The following KCNQ1 variants were observed in gnomAD, a reference collection of about 807,000 sequenced individuals.
KCNQ1 encodes potassium voltage-gated channel subfamily KQT member 1.
A neutral mutation model predicts 72.4 loss-of-function variants in KCNQ1; 49 were observed. That is an observed-to-expected ratio of 0.68 (90% CI 0.54 to 0.86). The LOEUF is 0.86. Ranked by LOEUF, KCNQ1 falls within the 40% of genes least tolerant of loss-of-function variation. KCNQ1 has a pLI of 0.00. For synonymous variants in KCNQ1, 450 were observed against 412.6 expected (o/e 1.09, Z -1.10); for missense variants, 790 against 945.1 (o/e 0.84, Z 2.15).
chr11:2,681,987 T>A, intron 11 of KCNQ1: 1 of 398,630 alleles, frequency 2.5e-6, no homozygotes, highest in Non-Finnish European at 4.4e-6. Flanking sequence ...AATATAGACA[T>A]CATTTCACTA....
Position 2,776,072 on chromosome 11 carries a change from G to T in KCNQ1, c.1685+18G>T, listed in dbSNP as rs1192048960. On this transcript the variant is annotated intron_variant, in intron 13 of 15. Coordinates refer to ENST00000155840, the MANE Select transcript of KCNQ1 (RefSeq NM_000218.3). ...CAGAGGAGGTGGGCACGGCCAAACG[G>T]CAGCGGGGAGGGTGCCCAGGTCCTG... 4 of 1,544,582 alleles carry T rather than the reference G, an allele frequency of 2.6e-6. No individual in the cohort carries two copies. Among genetic ancestry groups the T allele is most frequent in the East Asian group, 4.9e-5 (2 of 41,172 alleles).
Position 2,566,751 on chromosome 11 carries a change from C to T in KCNQ1, c.478-3877C>T, listed in dbSNP as rs569116367. On this transcript the variant is annotated intron_variant, in intron 2 of 15. Transcript: ENST00000155840. This position sits in a 1 kb window ranked among gnomAD's most constrained non-coding sequence, Gnocchi z 6.7. ...CCATCAGCATCCCGGGCCATTGCAT[C>T]CTTGACCCCGGGGGGCTTGCAGGCA... Among the ~76,000 whole-genome samples, 1 of 152,280 alleles carries T rather than the reference C, an allele frequency of 6.6e-6. No homozygotes were observed. Among genetic ancestry groups the T allele is most frequent in the African/African-American group, 2.4e-5 (1 of 41,560 alleles).
At chr11:2,805,314 A>G (rs534969652) in intron 15 of KCNQ1, among the ~76,000 whole-genome samples, 4 of 152,334 alleles carry the variant, frequency 2.6e-5, no homozygotes, top group Non-Finnish European at 5.9e-5. Context: ...CAAAGCTGCT[A>G]CCAGACAGCA....
intron 10 of KCNQ1, chr11:2,609,152 G>A: frequency 2.5e-6 from 1 of 398,108 alleles, no homozygotes; most frequent in East Asian, 3.6e-5. Flanking sequence ...TTTTGATATA[G>A]GCATTCATAG....
chr11:2,463,719 C>T lies in KCNQ1; in HGVS notation c.386+18235C>T, dbSNP rs1486127528. ...GTGGGTGCCCAGGCCGAGATGTGAA[C>T]CCTGAGTTTGTGCAACTCGAGTTTC... On this transcript the variant is annotated intron_variant, in intron 1 of 15. Transcript: ENST00000155840. This position sits in a 1 kb window ranked among gnomAD's most constrained non-coding sequence, Gnocchi z 7.0. Among the ~76,000 whole-genome samples the T allele has an allele frequency of 6.6e-6, 1 of 152,208 alleles. No homozygotes were observed. Among genetic ancestry groups the T allele is most frequent in the African/African-American group, 2.4e-5 (1 of 41,444 alleles).
chr11:2,445,149 G>T lies in KCNQ1; in HGVS notation c.51G>T (p.Trp17Cys). The T allele has an allele frequency of 8.8e-7, 1 of 1,131,944 alleles. No individual in the cohort carries two copies. The highest frequency in any genetic ancestry group is 1.1e-6 in the Non-Finnish European group (1 of 920,676). The allele number at this position is 1,131,944 out of a possible 1,614,324, so 70.1% of individuals were successfully genotyped here. Residue 17 changes from tryptophan to cysteine, a missense_variant, in exon 1 of 16, where the codon TGG becomes TGT. This residue lies in a region of KCNQ1 where 294 missense variants were observed against 323.3 expected (regional missense o/e 0.91). Transcript: ENST00000155840. ...GGGCCGAGAGGAAGCGCTGGGGTTGGGGCCGCCTGCCAGGCGCCCGGCGGG... is the reference window on the plus strand; with the variant it reads ...GGGCCGAGAGGAAGCGCTGGGGTTGTGGCCGCCTGCCAGGCGCCCGGCGGG... ...PPRAERKRWG[W>C]GRLPGARRGS...
In KCNQ1 at chr11:2,450,510, C is replaced by T. The variant is rs189191095; in HGVS notation, c.386+5026C>T. On this transcript the variant is annotated intron_variant, in intron 1 of 15. Transcript: ENST00000155840. The surrounding 1 kb of genome is among the most constrained non-coding windows in gnomAD (Gnocchi z 7.9). The stretch of plus-strand genomic sequence containing the variant: ...GGGCGGCAGCGTCTGGCTTCACTCT[C>T]GGGAGGTGCCTTGGGGCTGGCCAGT... 2.1e-3 allele frequency among the ~76,000 whole-genome samples: 320 copies of T among 152,238 alleles called. 2 individuals carry two copies. The highest frequency in any genetic ancestry group is 5.6e-4 in the Non-Finnish European group (38 of 68,006).
chr11:2,726,204 C>G (rs1026719606), intron 11 of KCNQ1, among the ~76,000 whole-genome samples: 1 of 152,212 alleles, frequency 6.6e-6, no homozygotes, highest in African/African-American at 2.4e-5. Context: ...GGGTGGGTCC[C>G]GGGCAGTGGC....
At chr11:2,778,481 G>A (rs1846754600) in intron 15 of KCNQ1, among the ~76,000 whole-genome samples, 1 of 152,120 alleles carries the variant, frequency 6.6e-6, no homozygotes, top group Non-Finnish European at 1.5e-5. Context: ...GGAGGTGCAG[G>A]GCCCAGCTGG....
chr11:2,733,838 T>TCG (rs1845902384), intron 11 of KCNQ1, among the ~76,000 whole-genome samples: 1 of 35,360 alleles, frequency 2.8e-5, no homozygotes, highest in Non-Finnish European at 5.7e-5. Context: ...TCTCTCTCTC[T>TCG]CTCTCTCTCT....
chr11:2,825,438 G>T (rs1388292986), intron 15 of KCNQ1, among the ~76,000 whole-genome samples: 1 of 151,544 alleles, frequency 6.6e-6, no homozygotes, highest in South Asian at 2.1e-4. Context: ...AGCACCACGC[G>T]GGGGGGTAGG....
At chr11:2,696,331 G>C (rs1476821770) in intron 11 of KCNQ1, 1 of 398,426 alleles carries the variant, frequency 2.5e-6, no homozygotes, top group Non-Finnish European at 4.4e-6. Context: ...CCATTTTAGG[G>C]CTGGCTTTCC....
intron 2 of KCNQ1, among the ~76,000 whole-genome samples, chr11:2,553,860 C>T (rs11826589): frequency 0.011 from 1,729 of 152,084 alleles, 33 homozygotes; most frequent in African/African-American, 0.039. Flanking sequence ...GGATTACAGG[C>T]GCCCGCCACC....
chr11:2,612,972 A>C lies in KCNQ1; in HGVS notation c.1393+24118A>C. On this transcript the variant is annotated intron_variant, in intron 10 of 15. Coordinates refer to ENST00000155840, the MANE Select transcript of KCNQ1 (RefSeq NM_000218.3). This position sits in a 1 kb window ranked among gnomAD's most constrained non-coding sequence, Gnocchi z 5.5. The stretch of plus-strand genomic sequence containing the variant: ...GAGTCTGTGTTCTCCTGCAGTGTGC[A>C]GCCACTGGTGTCTTTGCTCAGTTTT... 2.5e-6 allele frequency: 1 copy of C among 398,614 alleles called. No homozygotes were observed. Among genetic ancestry groups the C allele is most frequent in the Non-Finnish European group, 4.4e-6 (1 of 226,070 alleles). The allele number at this position is 398,614 out of a possible 1,614,324, so 24.7% of individuals were successfully genotyped here. A position where few individuals can be genotyped will look rare whatever the true frequency, so the allele number is the denominator to read the frequency against.
rs1250341767 is a variant in KCNQ1, at chr11:2,515,379, C to T, written c.387-12549C>T. Among the ~76,000 whole-genome samples, 4 of 152,248 alleles carry T rather than the reference C, an allele frequency of 2.6e-5. No individual in the cohort carries two copies. Among genetic ancestry groups the T allele is most frequent in the Admixed American group, 1.3e-4 (2 of 15,306 alleles). ...TTCATTCACTTCTTGGAGGCTTTAA[C>T]GCCTGCCCTGTGTGAGGGAGGGCGG... On this transcript the variant is annotated intron_variant, in intron 1 of 15. Transcript: ENST00000155840. This position sits in a 1 kb window ranked among gnomAD's most constrained non-coding sequence, Gnocchi z 4.7.
rs1408096560 is a variant in KCNQ1, at chr11:2,642,644, A to T, written c.1394-19317A>T. The stretch of plus-strand genomic sequence containing the variant: ...TGCATTTCATTGATCCTTTATATTT[A>T]TTTAGTTTCTTGTTTAGTTCTGCTC... On this transcript the variant is annotated intron_variant, in intron 10 of 15. Coordinates refer to ENST00000155840, the MANE Select transcript of KCNQ1 (RefSeq NM_000218.3). The surrounding 1 kb of genome is among the most constrained non-coding windows in gnomAD (Gnocchi z 4.3). 7.6e-6 allele frequency: 3 copies of T among 397,022 alleles called. No homozygotes were observed. The highest frequency in any genetic ancestry group is 2.1e-5 in the African/African-American group (1 of 48,386). The allele number at this position is 397,022 out of a possible 1,614,324, so 24.6% of individuals were successfully genotyped here.
rs1299062629 is a variant in KCNQ1 at position 2,769,779 on chromosome 11, G to A, written c.1590+860G>A. 2.6e-5 allele frequency among the ~76,000 whole-genome samples: 4 copies of A among 152,168 alleles called. No individual in the cohort carries two copies. Among genetic ancestry groups the A allele is most frequent in the Non-Finnish European group, 4.4e-5 (3 of 68,018 alleles). ...AGCGGGGGGCGTGTGACGTGCTTGA[G>A]TGAGTGCGTGTCTGCAGGAGCAGGG... On this transcript the variant is annotated intron_variant, in intron 12 of 15. Coordinates refer to ENST00000155840, the MANE Select transcript of KCNQ1 (RefSeq NM_000218.3). The surrounding 1 kb of genome is among the most constrained non-coding windows in gnomAD (Gnocchi z 4.6).
In KCNQ1 at chr11:2,777,174, A is replaced by G. The variant is rs899414076; in HGVS notation, c.1732+142A>G. On this transcript the variant is annotated intron_variant, in intron 14 of 15. Transcript: ENST00000155840. ...TGACATGAAATGAAAGCCAGGGAGT[A>G]AGGGGAGGTAGACCCCACCCTTAGC... 12 of 840,926 alleles carry G rather than the reference A, an allele frequency of 1.4e-5. No individual in the cohort carries two copies. In the African/African-American group the frequency reaches 1.8e-4, roughly 13 times the overall value. The allele number at this position is 840,926 out of a possible 1,614,324, so 52.1% of individuals were successfully genotyped here.
At chr11:2,605,196 T>A (rs1848862269) in intron 10 of KCNQ1, among the ~76,000 whole-genome samples, 2 of 152,244 alleles carry the variant, frequency 1.3e-5, no homozygotes, top group Non-Finnish European at 2.9e-5. Context: ...ACAAGTCCCC[T>A]ATCAGATAGA....
Sources: allele counts gnomAD v4.1 joint callset (sites outside exome capture counted in the v4.1 genomes callset), GRCh38; gene constraint gnomAD v4.1.1; regional missense constraint gnomAD v4.1.1; non-coding constraint Gnocchi (gnomAD v3.1); transcripts MANE v1.5; gene names NCBI Gene and HGNC (gene_info 2026-07-23, HGNC 2026-07-21).